FTO: variants seen among roughly 807,000 people sequenced by gnomAD.
FTO encodes FTO alpha-ketoglutarate dependent dioxygenase.
FTO carries 47 observed loss-of-function variants against 63.9 expected under a neutral mutation model. That is an observed-to-expected ratio of 0.74 (90% CI 0.58 to 0.94). FTO has a LOEUF of 0.94. Ranked by LOEUF, FTO falls within the 40% of genes least tolerant of loss-of-function variation. The probability of loss-of-function intolerance (pLI) is 0.00; values close to 1 mark genes in which losing one functional copy is unlikely to be tolerated. For synonymous variants in FTO, 207 were observed against 224.4 expected (o/e 0.92, Z 0.69); for missense variants, 562 against 618.1 (o/e 0.91, Z 0.96).
chr16:53,951,823 T>C (rs1198237746), intron 8 of FTO, among the ~76,000 whole-genome samples: 1 of 152,118 alleles, frequency 6.6e-6, no homozygotes, highest in Non-Finnish European at 1.5e-5. Flanking sequence ...TGTTTTTTTT[T>C]TTAAGTTGAT....
At chr16:54,011,563 T>TC (rs780587895) in intron 8 of FTO, among the ~76,000 whole-genome samples, 2,536 of 152,314 alleles carry the variant, frequency 0.017, 44 homozygotes, top group Non-Finnish European at 0.026. Flanking sequence ...TGGTATGTCT[T>TC]TACAAACTGA....
chr16:53,809,951 G>C lies in FTO; in HGVS notation c.46-189G>C, dbSNP rs769207913. Among the ~76,000 whole-genome samples the C allele has an allele frequency of 4.0e-5, 6 of 148,420 alleles. No homozygotes were observed. In the South Asian group the frequency reaches 1.1e-3, roughly 26 times the overall value. ...GCGAGACTCTGTCTCTAAAAGAAAA[G>C]AAAAAAAAAGATGTATGTAATTTAA... On this transcript the variant is annotated intron_variant, in intron 1 of 8. Coordinates refer to ENST00000471389, the MANE Select transcript of FTO (RefSeq NM_001080432.3).
chr16:53,959,940 G>T (rs546263354), intron 8 of FTO, among the ~76,000 whole-genome samples: 2 of 152,248 alleles, frequency 1.3e-5, no homozygotes, highest in East Asian at 3.9e-4. Context: ...ATAACATGGA[G>T]ACTCGTGTGT....
chr16:54,104,611 C>T (rs1264683042), intron 8 of FTO, among the ~76,000 whole-genome samples: 3 of 152,274 alleles, frequency 2.0e-5, no homozygotes, highest in East Asian at 3.9e-4. Context: ...TTGCCTGGCT[C>T]CTGAGGCCTC....
rs758745381 is a variant in FTO, at chr16:53,833,794, C to T, written c.751+7303C>T. Among the ~76,000 whole-genome samples, 2 of 152,092 alleles carry T rather than the reference C, an allele frequency of 1.3e-5. 1 individual carries two copies. The highest frequency in any genetic ancestry group is 4.1e-4 in the South Asian group (2 of 4,830). ...TCATAATGGGTATGAAGTGGTATCT[C>T]CTTGTGGTTTTGATACACATTTTCC... is the stretch of plus-strand genomic sequence containing the variant. On this transcript the variant is annotated intron_variant, in intron 3 of 8. Transcript: ENST00000471389.
chr16:53,988,286 G>A (rs1316879290), intron 8 of FTO, among the ~76,000 whole-genome samples: 2 of 152,032 alleles, frequency 1.3e-5, no homozygotes, highest in Admixed American at 6.5e-5. Context: ...TCTACTACTT[G>A]GTGACCTGTT....
intron 8 of FTO, among the ~76,000 whole-genome samples, chr16:54,057,215 G>A (rs980821268): frequency 6.6e-6 from 1 of 152,210 alleles, no homozygotes; most frequent in African/African-American, 2.4e-5. Context: ...ACTTAGCTTA[G>A]CTGTAGACAG....
intron 3 of FTO, among the ~76,000 whole-genome samples, chr16:53,832,408 G>A (rs1179388981): frequency 6.6e-6 from 1 of 152,098 alleles, no homozygotes; most frequent in Non-Finnish European, 1.5e-5. Context: ...TGACATATCT[G>A]TTTTCTTTTT....
intron 1 of FTO, among the ~76,000 whole-genome samples, chr16:53,781,338 G>A (rs941307635): frequency 1.3e-5 from 2 of 152,184 alleles, no homozygotes; most frequent in Admixed American, 1.3e-4. Flanking sequence ...ATTTATAGCA[G>A]ATGATTTTCA....
At chr16:53,921,049 CAT>C (rs1298272879) in intron 7 of FTO, among the ~76,000 whole-genome samples, 4 of 152,182 alleles carry the variant, frequency 2.6e-5, no homozygotes, top group Non-Finnish European at 5.9e-5. Flanking sequence ...GTGTAGAAAA[CAT>C]ATGTTCAGTG....
chr16:53,753,643 G>GT (rs1186634592), intron 1 of FTO, among the ~76,000 whole-genome samples: 1 of 152,106 alleles, frequency 6.6e-6, no homozygotes, highest in Non-Finnish European at 1.5e-5. Context: ...CATTCACTCA[G>GT]TAAGACTGCC....
chr16:53,712,359 G>GT (rs796572900), intron 1 of FTO, among the ~76,000 whole-genome samples: 15 of 151,894 alleles, frequency 9.9e-5, no homozygotes, highest in African/African-American at 2.4e-4. Context: ...ATTCTACTCT[G>GT]TTTTTTTTCC....
chr16:53,819,768 A>C (rs1467811998), intron 2 of FTO, among the ~76,000 whole-genome samples: 1 of 152,172 alleles, frequency 6.6e-6, no homozygotes, highest in Non-Finnish European at 1.5e-5. Flanking sequence ...TGTACAATTC[A>C]GTGATTTTTG....
At chr16:53,879,110 A>C (rs1264526912) in intron 5 of FTO, among the ~76,000 whole-genome samples, 1 of 152,212 alleles carries the variant, frequency 6.6e-6, no homozygotes, top group African/African-American at 2.4e-5. Context: ...TTGAGATAAA[A>C]AGTCAGTGTC....
chr16:53,858,807 C>G (rs987681349), intron 4 of FTO, among the ~76,000 whole-genome samples: 2 of 152,042 alleles, frequency 1.3e-5, no homozygotes, highest in East Asian at 3.9e-4. Context: ...ACTATAGGCT[C>G]GTGCCACCAC....
chr16:53,844,450 T>C lies in FTO; in HGVS notation c.895+152T>C. The C allele has an allele frequency of 5.8e-6, 4 of 688,222 alleles. 1 individual carries two copies. The highest frequency in any genetic ancestry group is 9.8e-6 in the Non-Finnish European group (4 of 408,292). 42.6% of individuals were successfully genotyped at this position (688,222 alleles called of 1,614,324 possible). On this transcript the variant is annotated intron_variant, in intron 4 of 8. Transcript: ENST00000471389. ...TTATAAGAACATGTAACTAGGTTTT[T>C]CTTTTTTGAGATATTGCTGATTTTT...
At chr16:53,830,554 T>C (rs1335775061) in intron 3 of FTO, among the ~76,000 whole-genome samples, 1 of 152,212 alleles carries the variant, frequency 6.6e-6, no homozygotes, top group Non-Finnish European at 1.5e-5. Context: ...GATTTTAAAC[T>C]AGTGCCAAGT....
intron 8 of FTO, among the ~76,000 whole-genome samples, chr16:53,978,408 G>T (rs1249201647): frequency 1.3e-5 from 2 of 152,196 alleles, no homozygotes. Flanking sequence ...ATACAATGAA[G>T]AGATTAAACT....
At chr16:53,943,497 C>T (rs1375835721) in intron 8 of FTO, among the ~76,000 whole-genome samples, 3 of 152,208 alleles carry the variant, frequency 2.0e-5, no homozygotes, top group Admixed American at 2.0e-4. Context: ...ATTTATCCAA[C>T]ATACATTTAT....
Sources: gnomAD v4.1 joint callset for allele counts (sites outside exome capture counted in the v4.1 genomes callset) on GRCh38, gnomAD v4.1.1 for gene constraint, MANE v1.5 for transcripts, NCBI Gene and HGNC (gene_info 2026-07-23, HGNC 2026-07-21) for gene names.